Variants in DOCK1 observed in about 807,000 individuals in gnomAD.
The protein encoded by DOCK1 is dedicator of cytokinesis 1, also known as dedicator of cytokinesis protein 1.
DOCK1 carries 138 observed loss-of-function variants against 262.7 expected under a neutral mutation model. That is an observed-to-expected ratio of 0.53 (90% CI 0.46 to 0.61). DOCK1 has a LOEUF of 0.61. Ranked by LOEUF, DOCK1 falls within the 20% of genes least tolerant of loss-of-function variation. The probability of loss-of-function intolerance (pLI) is 0.00; values close to 1 mark genes in which losing one functional copy is unlikely to be tolerated. For synonymous variants in DOCK1, 866 were observed against 867.4 expected (o/e 1.00, Z 0.03); for missense variants, 1,908 against 2,370.7 (o/e 0.80, Z 4.05).
chr10:127,365,584 C>A (rs2064860508), intron 33 of DOCK1, among the ~76,000 whole-genome samples: 1 of 152,126 alleles, frequency 6.6e-6, no homozygotes, highest in South Asian at 2.1e-4. Context: ...ATGTCACTGG[C>A]ACAGAAAACT....
intron 49 of DOCK1, among the ~76,000 whole-genome samples, chr10:127,443,007 T>C (rs11018095): frequency 0.33 from 49,422 of 152,008 alleles, 8,386 homozygotes; most frequent in East Asian, 0.44. Flanking sequence ...AGAAACTCAT[T>C]GTCTCCCAGT....
At chr10:127,014,123 G>GT (rs145283378) in intron 12 of DOCK1, among the ~76,000 whole-genome samples, 346 of 152,346 alleles carry the variant, frequency 2.3e-3, no homozygotes, top group African/African-American at 8.0e-3. Context: ...GCCTTGGCCA[G>GT]TTTTTGGTTT....
chr10:126,991,523 T>C (rs1215360967), intron 6 of DOCK1, among the ~76,000 whole-genome samples: 1 of 152,106 alleles, frequency 6.6e-6, no homozygotes, highest in Non-Finnish European at 1.5e-5. Context: ...CCAGTGTTTT[T>C]TTTTTGTTTG....
At chr10:127,117,440 C>G (rs928698694) in intron 25 of DOCK1, among the ~76,000 whole-genome samples, 11 of 152,206 alleles carry the variant, frequency 7.2e-5, no homozygotes, top group Non-Finnish European at 1.3e-4. Flanking sequence ...ACTGAATTTA[C>G]TTCAAATGCC....
At chr10:127,382,850 G>A (rs578146821) in intron 37 of DOCK1, among the ~76,000 whole-genome samples, 65 of 152,294 alleles carry the variant, frequency 4.3e-4, no homozygotes, top group African/African-American at 1.5e-3. Flanking sequence ...TGGATTTATT[G>A]AGTACAGATG....
Position 127,418,563 on chromosome 10 carries a change from T to C in DOCK1, c.4692+22T>C, listed in dbSNP as rs1199862702. On this transcript the variant is annotated intron_variant, in intron 45 of 51. Transcript: ENST00000623213. ...AAAGGTACGGGACCCACCAGCTTGC[T>C]CTGGGCAAGCAGTCCTGCCCGGGGA... The C allele has an allele frequency of 2.5e-6, 4 of 1,606,088 alleles. No individual in the cohort carries two copies. The African/African-American group carries it at 5.4e-5, about 21-fold the overall frequency.
intron 27 of DOCK1, among the ~76,000 whole-genome samples, chr10:127,167,567 C>T (rs1010131113): frequency 6.6e-6 from 1 of 152,100 alleles, no homozygotes; most frequent in East Asian, 1.9e-4. Flanking sequence ...TGTTCTCAGA[C>T]ATCTCTATAG....
chr10:126,944,603 G>C (rs1456194411), intron 1 of DOCK1, among the ~76,000 whole-genome samples: 2 of 152,064 alleles, frequency 1.3e-5, no homozygotes, highest in African/African-American at 4.8e-5. Context: ...GGAGGCCCAG[G>C]GAGGACACCA....
chr10:127,199,256 G>T (rs751551632), intron 27 of DOCK1, among the ~76,000 whole-genome samples: 2 of 152,094 alleles, frequency 1.3e-5, no homozygotes, highest in South Asian at 2.1e-4. Context: ...AAATATCCAC[G>T]TCTCTCTTCT....
chr10:127,166,425 A>G (rs760369829), intron 27 of DOCK1, among the ~76,000 whole-genome samples: 31 of 152,206 alleles, frequency 2.0e-4, no homozygotes, highest in Non-Finnish European at 4.0e-4. Context: ...GGGAGAGAGA[A>G]GATGAGTGGG....
intron 22 of DOCK1, among the ~76,000 whole-genome samples, chr10:127,053,815 GATT>G (rs1210213970): frequency 4.6e-5 from 7 of 152,210 alleles, no homozygotes; most frequent in African/African-American, 1.7e-4. Flanking sequence ...TTCACTGTAT[GATT>G]CAAAAGATGT....
chr10:127,204,526 A>G (rs1304350337), intron 27 of DOCK1, among the ~76,000 whole-genome samples: 3 of 152,034 alleles, frequency 2.0e-5, no homozygotes, highest in South Asian at 4.2e-4. Flanking sequence ...ACCTCAAGCA[A>G]TCCACCTGCC....
intron 1 of DOCK1, among the ~76,000 whole-genome samples, chr10:126,950,245 A>C (rs2036089366): frequency 6.6e-6 from 1 of 152,044 alleles, no homozygotes; most frequent in Admixed American, 6.6e-5. Context: ...TCCTAATTCG[A>C]GTTCGCCACA....
chr10:127,124,451 C>G (rs1250159846), intron 25 of DOCK1, among the ~76,000 whole-genome samples: 1 of 152,178 alleles, frequency 6.6e-6, no homozygotes, highest in Non-Finnish European at 1.5e-5. Context: ...GATGCTCCAG[C>G]TAAGCTGGAT....
chr10:126,950,795 G>A (rs1591418659), intron 1 of DOCK1, among the ~76,000 whole-genome samples: 48 of 152,110 alleles, frequency 3.2e-4, no homozygotes, highest in Non-Finnish European at 1.5e-5. Context: ...GAGGAAATGC[G>A]TCAAGTGTTC....
chr10:127,176,425 G>A lies in DOCK1; in HGVS notation c.2847+48661G>A. 2.6e-6 allele frequency: 4 copies of A among 1,558,064 alleles called. No individual in the cohort carries two copies. The highest frequency in any genetic ancestry group is 3.5e-6 in the Non-Finnish European group (4 of 1,150,256). On this transcript the variant is annotated intron_variant, in intron 27 of 51. Coordinates refer to ENST00000623213, the MANE Select transcript of DOCK1 (RefSeq NM_001290223.2). The surrounding 1 kb of genome is among the most constrained non-coding windows in gnomAD (Gnocchi z 4.4). ...CCTGCATTCAGAAACAGCAACAGAG[G>A]TGTCAGTGGGACAGAAATACACACT...
intron 24 of DOCK1, among the ~76,000 whole-genome samples, chr10:127,107,579 C>T (rs1182366240): frequency 6.6e-6 from 1 of 152,200 alleles, no homozygotes; most frequent in Non-Finnish European, 1.5e-5. Flanking sequence ...AGAGTCCTCT[C>T]CTTGGCACAT....
At chr10:127,241,520 T>G (rs947029434) in intron 27 of DOCK1, among the ~76,000 whole-genome samples, 1 of 152,152 alleles carries the variant, frequency 6.6e-6, no homozygotes, top group African/African-American at 2.4e-5. Context: ...TGGAGGCGCA[T>G]GGGCTTTCCT....
chr10:126,964,215 A>C (rs957042844), intron 1 of DOCK1, among the ~76,000 whole-genome samples: 21 of 152,182 alleles, frequency 1.4e-4, no homozygotes, highest in African/African-American at 5.1e-4. Context: ...TTCTCTCTAC[A>C]TGGTGTTTCC....
Sources: gnomAD v4.1 joint callset for allele counts (sites outside exome capture counted in the v4.1 genomes callset) on GRCh38, gnomAD v4.1.1 for gene constraint, Gnocchi (gnomAD v3.1) non-coding constraint, MANE v1.5 for transcripts, NCBI Gene and HGNC (gene_info 2026-07-23, HGNC 2026-07-21) for gene names.